The following OPCML variants were observed in gnomAD, a reference collection of about 807,000 sequenced individuals.
OPCML encodes the protein opioid-binding protein/cell adhesion molecule.
OPCML carries 13 observed loss-of-function variants against 37.8 expected under a neutral mutation model. That is an observed-to-expected ratio of 0.34 (90% CI 0.22 to 0.55). The LOEUF (loss-of-function observed/expected upper bound fraction) is 0.55, where lower values mean the gene tolerates loss of function less well. OPCML is among the 20% of genes least tolerant of loss of function. The pLI is 0.91. For missense variants in OPCML, 341 were observed against 435.6 expected (o/e 0.78, Z 1.93); for synonymous variants, 176 against 168.8 (o/e 1.04, Z -0.33).
At chr11:133,296,951 T>C (rs1457448739) in intron 1 of OPCML, among the ~76,000 whole-genome samples, 4 of 152,194 alleles carry the variant, frequency 2.6e-5, no homozygotes, top group Admixed American at 6.5e-5. Flanking sequence ...AATTGTATCA[T>C]TGACACTGAT....
intron 1 of OPCML, among the ~76,000 whole-genome samples, chr11:133,443,078 A>G (rs1315249977): frequency 6.6e-6 from 1 of 152,224 alleles, no homozygotes; most frequent in Non-Finnish European, 1.5e-5. Context: ...TGAAAAACTG[A>G]ACCCACAGAA....
chr11:133,168,413 G>T (rs1289715489), intron 1 of OPCML, among the ~76,000 whole-genome samples: 2 of 152,134 alleles, frequency 1.3e-5, no homozygotes, highest in Admixed American at 6.5e-5. Context: ...CTGACTAGAT[G>T]GTCAGAAAGA....
intron 3 of OPCML, among the ~76,000 whole-genome samples, chr11:132,555,107 T>C (rs190609985): frequency 4.1e-4 from 62 of 152,214 alleles, no homozygotes; most frequent in Admixed American, 7.8e-4. Flanking sequence ...GGAAGGATGC[T>C]GCAACCACAA....
chr11:133,187,594 A>G (rs1938140865), intron 1 of OPCML, among the ~76,000 whole-genome samples: 2 of 152,166 alleles, frequency 1.3e-5, no homozygotes, highest in East Asian at 1.9e-4. Context: ...ACAGGAGTAT[A>G]AGGCATATGC....
intron 3 of OPCML, among the ~76,000 whole-genome samples, chr11:132,584,964 A>G (rs1251954235): frequency 6.6e-6 from 1 of 152,212 alleles, no homozygotes; most frequent in Non-Finnish European, 1.5e-5. Context: ...TTGGCTGCCT[A>G]TGACTGGCCC....
rs894604853 is a variant in OPCML, at chr11:132,784,017, C to G, written c.147-126698G>C. 3.3e-5 allele frequency among the ~76,000 whole-genome samples: 5 copies of G among 152,122 alleles called. No individual in the cohort carries two copies. The South Asian group carries it at 1.0e-3, about 31-fold the overall frequency. On this transcript the variant is annotated intron_variant, in intron 2 of 7. Transcript: ENST00000524381. ...GCCTGATTAGCAAACATCATTTGTA[C>G]AATAACAATTAATACAATAGTATCC...
At chr11:133,418,472 T>A (rs1945814686) in intron 1 of OPCML, 2 of 985,288 alleles carry the variant, frequency 2.0e-6, no homozygotes, top group Non-Finnish European at 1.2e-6. Flanking sequence ...TATCTGTGGT[T>A]GGGTAAAAGA....
chr11:132,712,896 G>T (rs572256103), intron 2 of OPCML, among the ~76,000 whole-genome samples: 2 of 152,336 alleles, frequency 1.3e-5, no homozygotes, highest in Admixed American at 6.5e-5. Context: ...GCTAGCCCAC[G>T]TCGGCTTAAG....
chr11:133,159,151 G>A (rs1279734081), intron 1 of OPCML, among the ~76,000 whole-genome samples: 5 of 152,190 alleles, frequency 3.3e-5, no homozygotes, highest in Admixed American at 2.0e-4. Flanking sequence ...GATAAGATGC[G>A]GGGTTTTTAG....
At chr11:132,917,002 C>T (rs889021815) in intron 2 of OPCML, among the ~76,000 whole-genome samples, 3 of 152,144 alleles carry the variant, frequency 2.0e-5, no homozygotes, top group African/African-American at 4.8e-5. Context: ...TTTGCAGACA[C>T]TGGTCCCTGG....
intron 2 of OPCML, among the ~76,000 whole-genome samples, chr11:132,723,317 G>C (rs1276701270): frequency 6.6e-6 from 1 of 152,150 alleles, no homozygotes; most frequent in Non-Finnish European, 1.5e-5. Context: ...CACACATTAG[G>C]TGAGGGGAAG....
At chr11:133,350,724 A>T (rs753158235) in intron 1 of OPCML, among the ~76,000 whole-genome samples, 15 of 152,226 alleles carry the variant, frequency 9.9e-5, no homozygotes, top group Non-Finnish European at 2.2e-4. Context: ...TTAGACAAAA[A>T]TTGCAAAACA....
intron 3 of OPCML, among the ~76,000 whole-genome samples, chr11:132,582,407 G>A (rs550117406): frequency 2.0e-5 from 3 of 151,962 alleles, no homozygotes; most frequent in South Asian, 4.2e-4. Flanking sequence ...AAATCAAAAC[G>A]CCCACATAGC....
At chr11:132,833,454 G>C (rs1030679545) in intron 2 of OPCML, among the ~76,000 whole-genome samples, 2 of 152,186 alleles carry the variant, frequency 1.3e-5, no homozygotes, top group African/African-American at 4.8e-5. Context: ...CCTTCTTCTA[G>C]ATACCTCCTG....
chr11:133,269,893 A>G (rs1162541813), intron 1 of OPCML, among the ~76,000 whole-genome samples: 1 of 152,234 alleles, frequency 6.6e-6, no homozygotes, highest in Admixed American at 6.5e-5. Context: ...TGATAATGAA[A>G]GAAATGAATA....
At chr11:133,483,480 A>G (rs1947428429) in intron 1 of OPCML, among the ~76,000 whole-genome samples, 1 of 152,070 alleles carries the variant, frequency 6.6e-6, no homozygotes, top group Non-Finnish European at 1.5e-5. Flanking sequence ...ACAGTCTTCT[A>G]GATTTATAGA....
Position 132,802,223 on chromosome 11 carries a change from C to T in OPCML, c.146+140703G>A, listed in dbSNP as rs192990230. ...CCTCTTAACTCTTTCTCCTCCTTCC[C>T]CCAGCACACAGTCCATTTTTTACCC... On this transcript the variant is annotated intron_variant, in intron 2 of 7. Transcript: ENST00000524381. Among the ~76,000 whole-genome samples the T allele has an allele frequency of 2.2e-4, 33 of 152,290 alleles. No individual in the cohort carries two copies. The East Asian group carries it at 6.2e-3, about 29-fold the overall frequency.
chr11:132,834,986 T>C (rs1168747221), intron 2 of OPCML, among the ~76,000 whole-genome samples: 1 of 80,578 alleles, frequency 1.2e-5, no homozygotes, highest in Non-Finnish European at 2.4e-5. Context: ...GGTGGCACTT[T>C]GTAAAAAAAA....
rs572333681 is a variant in OPCML, at chr11:132,600,065, T to C, written c.379+57022A>G. 2.0e-5 allele frequency among the ~76,000 whole-genome samples: 3 copies of C among 152,336 alleles called. No individual in the cohort carries two copies. In the South Asian group the frequency reaches 6.2e-4, roughly 32 times the overall value. Reference sequence around the variant, plus strand: ...TAAGGGAACAGGTATGGGCAGGATCTGGAGCCCACAGCATAGCTGTGGGGT... The same window carrying C: ...TAAGGGAACAGGTATGGGCAGGATCCGGAGCCCACAGCATAGCTGTGGGGT... On this transcript the variant is annotated intron_variant, in intron 3 of 7. Transcript: ENST00000524381.
Sources: allele counts gnomAD v4.1 joint callset (sites outside exome capture counted in the v4.1 genomes callset), GRCh38; gene constraint gnomAD v4.1.1; transcripts MANE v1.5; gene names NCBI Gene and HGNC (gene_info 2026-07-23, HGNC 2026-07-21).